Variants in AP4E1 observed in about 807,000 individuals in gnomAD.
AP4E1 encodes adaptor related protein complex 4 subunit epsilon 1, also known as AP-4 complex subunit epsilon-1.
AP4E1 carries 56 observed loss-of-function variants against 128.2 expected under a neutral mutation model. The observed-to-expected ratio is 0.44, with a 90% CI of 0.35 to 0.55. AP4E1 has a LOEUF of 0.55. AP4E1 is among the 20% of genes least tolerant of loss of function. The pLI is 0.00. For missense variants in AP4E1, 1,324 were observed against 1,307.7 expected (o/e 1.01, Z -0.19); for synonymous variants, 484 against 473.1 (o/e 1.02, Z -0.30).
intron 10 of AP4E1, among the ~76,000 whole-genome samples, chr15:50,946,944 G>A (rs1299967367): frequency 6.6e-6 from 1 of 152,126 alleles, no homozygotes; most frequent in Non-Finnish European, 1.5e-5. Context: ...GCCGAGGTGG[G>A]CGGATCACCT....
rs563956527 is a variant in AP4E1, at chr15:50,920,148, C to G, written c.347-3783C>G. The stretch of plus-strand genomic sequence containing the variant: ...TTTTTTTTTGAGACGGAGTCTCGCT[C>G]TTTCGCCCAGGCCAGAGTGCAGTGG... On this transcript the variant is annotated intron_variant, in intron 3 of 20. Coordinates refer to ENST00000261842, the MANE Select transcript of AP4E1 (RefSeq NM_007347.5). Among the ~76,000 whole-genome samples, 774 of 121,210 alleles carry G rather than the reference C, an allele frequency of 6.4e-3. 4 individuals carry two copies. Among genetic ancestry groups the G allele is most frequent in the African/African-American group, 0.023 (747 of 31,916 alleles). 79.5% of individuals were successfully genotyped at this position (121,210 alleles called of 152,430 possible).
chr15:50,957,073 T>G (rs935893390), intron 13 of AP4E1, among the ~76,000 whole-genome samples: 1 of 152,160 alleles, frequency 6.6e-6, no homozygotes, highest in South Asian at 2.1e-4. Context: ...AGTGCTCTTT[T>G]AGCTCTGTCA....
intron 2 of AP4E1, among the ~76,000 whole-genome samples, chr15:50,914,491 A>G (rs1244605733): frequency 6.6e-6 from 1 of 151,978 alleles, no homozygotes; most frequent in Middle Eastern, 3.2e-3. Flanking sequence ...TCTCTACTAA[A>G]TATACAAAAA....
chr15:50,958,906 A>C (rs1295311726), intron 14 of AP4E1, 112 bp downstream of exon 14: 1 of 1,182,836 alleles, frequency 8.5e-7, no homozygotes, highest in African/African-American at 1.5e-5. Flanking sequence ...GTAGCATTTA[A>C]GGTGAATGTT....
intron 17 of AP4E1, 103 bp from the exon 18 acceptor site, chr15:50,997,223 T>A: frequency 9.3e-7 from 1 of 1,069,748 alleles, no homozygotes; most frequent in Non-Finnish European, 1.3e-6. Flanking sequence ...AGATAGAACC[T>A]TAGCAAATTG....
rs773763666 is a variant in AP4E1, at chr15:50,995,885, CA to C, written c.2347-1429del. 9.0e-3 allele frequency among the ~76,000 whole-genome samples: 950 copies of C among 105,558 alleles called. 10 individuals are homozygous for C. Among genetic ancestry groups the C allele is most frequent in the African/African-American group, 0.022 (639 of 28,790 alleles). The allele number at this position is 105,558 out of a possible 152,430, so 69.3% of individuals were successfully genotyped here. A position where few individuals can be genotyped will look rare whatever the true frequency, so the allele number is the denominator to read the frequency against. ...AAACTATCCAAAATGAAACATAGACCAAAAAAAAAAAAGACCAGAAAAGACC... is the reference window on the plus strand; with the variant it reads ...AAACTATCCAAAATGAAACATAGACCAAAAAAAAAAAGACCAGAAAAGACC... On this transcript the variant is annotated intron_variant, in intron 17 of 20. Transcript: ENST00000261842.
intron 1 of AP4E1, 120 bp downstream of exon 1, chr15:50,909,048 G>A: frequency 6.8e-7 from 1 of 1,471,152 alleles, no homozygotes; most frequent in Non-Finnish European, 9.1e-7. Context: ...GGGGCTCAGG[G>A]GCTGCTGTGT....
chr15:50,912,816 C>T (rs949460900), intron 2 of AP4E1, among the ~76,000 whole-genome samples: 19 of 152,256 alleles, frequency 1.2e-4, no homozygotes, highest in Non-Finnish European at 2.4e-4. Context: ...GTGCCCGCCA[C>T]CATGCCTGGC....
chr15:50,948,746 G>A (rs2064102249), intron 11 of AP4E1, among the ~76,000 whole-genome samples: 1 of 152,030 alleles, frequency 6.6e-6, no homozygotes, highest in Non-Finnish European at 1.5e-5. Flanking sequence ...GCTGAGGCGG[G>A]TGGATCACCT....
At chr15:50,969,318 C>G (rs1434515004) in intron 15 of AP4E1, among the ~76,000 whole-genome samples, 1 of 152,092 alleles carries the variant, frequency 6.6e-6, no homozygotes, top group Non-Finnish European at 1.5e-5. Context: ...CATCCAGGTC[C>G]CTGCAAAAGA....
intron 5 of AP4E1, among the ~76,000 whole-genome samples, chr15:50,926,874 G>A (rs1471580514): frequency 6.6e-6 from 1 of 152,190 alleles, no homozygotes; most frequent in South Asian, 2.1e-4. Flanking sequence ...ACAGGCGTGA[G>A]CCACCATGCC....
At position 50,997,376 on chromosome 15, in the gene AP4E1, C is replaced by G; in HGVS notation, c.2397C>G (p.Val799=). The G allele has an allele frequency of 6.2e-7, 1 of 1,603,974 alleles. No homozygotes were observed. The highest frequency in any genetic ancestry group is 8.5e-7 in the Non-Finnish European group (1 of 1,177,118). Residue 799 remains valine (V), a synonymous_variant, in exon 18 of 21, where the codon GTC becomes GTG. Transcript: ENST00000261842. ...ACAAGTTCAGAAGGAAATCAAAAGT[C>G]AAAGAAGCTAAAAGTGGCGAAACAA... ...VSHKFRRKSK[V]KEAKSGETTS...
At chr15:50,929,355 T>G (rs1488873342) in intron 6 of AP4E1, among the ~76,000 whole-genome samples, 187 bp downstream of exon 6, 1 of 151,910 alleles carries the variant, frequency 6.6e-6, no homozygotes, top group Non-Finnish European at 1.5e-5. Context: ...AGAATTAGTT[T>G]TTTTTTTTTT....
intron 11 of AP4E1, among the ~76,000 whole-genome samples, chr15:50,948,412 C>T (rs1451024317): frequency 2.7e-5 from 4 of 148,254 alleles, no homozygotes; most frequent in Non-Finnish European, 5.9e-5. Context: ...ATAGAGGAAC[C>T]TTTATCCTCT....
intron 15 of AP4E1, 83 bp downstream of exon 15, chr15:50,968,460 A>AT: frequency 1.0e-6 from 1 of 983,690 alleles, no homozygotes. Context: ...ATAAATAAAG[A>AT]TATTTACTTT....
At chr15:50,973,696 T>G (rs74013115) in intron 15 of AP4E1, among the ~76,000 whole-genome samples, 2,813 of 152,324 alleles carry the variant, frequency 0.018, 105 homozygotes, top group African/African-American at 0.064. Flanking sequence ...CTTATTTCAC[T>G]TAGCATAATA....
At chr15:50,907,844 C>G (rs2063506557), upstream of AP4E1, among the ~76,000 whole-genome samples, 1 of 152,142 alleles carries the variant, frequency 6.6e-6, no homozygotes. Context: ...AGCCATTGTA[C>G]CAGACTCTGT....
Position 50,997,360 on chromosome 15 carries a change from G to T in AP4E1, c.2381G>T (p.Arg794Ile). 1 of 1,603,418 alleles carries T rather than the reference G, an allele frequency of 6.2e-7. No homozygotes were observed. Among genetic ancestry groups the T allele is most frequent in the Non-Finnish European group, 8.5e-7 (1 of 1,177,252 alleles). The change falls in exon 18 of 21, where the codon AGA (arginine) becomes ATA (isoleucine). Residue 794 changes from arginine to isoleucine, a missense_variant. Transcript: ENST00000261842. ...GCAGATACTGTCTCTCACAAGTTCA[G>T]AAGGAAATCAAAAGTCAAAGAAGCT... ...GKADTVSHKFRRKSKVKEAKS... is the reference protein window; with the variant it reads ...GKADTVSHKFIRKSKVKEAKS...
chr15:50,919,107 G>A (rs1399595010), intron 3 of AP4E1, among the ~76,000 whole-genome samples: 1 of 152,054 alleles, frequency 6.6e-6, no homozygotes. Flanking sequence ...GTGGGTGCCT[G>A]TAGTCCCAGC....
Sources: gnomAD v4.1 joint callset for allele counts (sites outside exome capture counted in the v4.1 genomes callset) on GRCh38, gnomAD v4.1.1 for gene constraint, MANE v1.5 for transcripts, NCBI Gene and HGNC (gene_info 2026-07-23, HGNC 2026-07-21) for gene names.